Variants in ZNF438 observed in about 807,000 individuals in gnomAD.
The protein encoded by ZNF438 is zinc finger protein 438.
A neutral mutation model predicts 38.0 loss-of-function variants in ZNF438; 25 were observed. The ratio of observed to expected loss-of-function variants is 0.66; its 90% CI spans 0.48 to 0.92. ZNF438 has a LOEUF of 0.92. Ranked by LOEUF, ZNF438 falls within the 40% of genes least tolerant of loss-of-function variation. The pLI, the probability that ZNF438 is intolerant of heterozygous loss-of-function variation, is 0.00. For missense variants in ZNF438, 1,007 were observed against 999.6 expected (o/e 1.01, Z -0.10); for synonymous variants, 372 against 364.1 (o/e 1.02, Z -0.25).
chr10:31,011,574 C>G (rs1011584487), intron 1 of ZNF438, among the ~76,000 whole-genome samples: 2 of 152,096 alleles, frequency 1.3e-5, no homozygotes, highest in African/African-American at 4.8e-5. Context: ...CGGTATAAGC[C>G]AAGGGTCAGG....
At chr10:30,851,084 GCTGATGTGACAC>G (rs2033536915) in intron 4 of ZNF438, among the ~76,000 whole-genome samples, 1 of 152,170 alleles carries the variant, frequency 6.6e-6, no homozygotes, top group Non-Finnish European at 1.5e-5. Flanking sequence ...TATTAAAAAA[GCTGATGTGACAC>G]CTTTAAAAAA....
At chr10:30,925,817 C>A (rs1048286864) in intron 2 of ZNF438, among the ~76,000 whole-genome samples, 3 of 152,192 alleles carry the variant, frequency 2.0e-5, no homozygotes, top group African/African-American at 7.2e-5. Context: ...TCAAGAATGC[C>A]TTCAATGCAC....
chr10:30,955,995 T>C (rs1397335759), intron 1 of ZNF438, among the ~76,000 whole-genome samples: 1 of 152,138 alleles, frequency 6.6e-6, no homozygotes, highest in Non-Finnish European at 1.5e-5. Context: ...AAACAAACAA[T>C]TTTTCAAACA....
intron 1 of ZNF438, among the ~76,000 whole-genome samples, chr10:31,006,213 G>A (rs553117399): frequency 7.2e-5 from 11 of 152,324 alleles, no homozygotes; most frequent in African/African-American, 2.6e-4. Context: ...TCAGGATGGA[G>A]GCTGGACACT....
At chr10:30,882,862 G>A (rs1020790038) in intron 3 of ZNF438, among the ~76,000 whole-genome samples, 6 of 152,182 alleles carry the variant, frequency 3.9e-5, no homozygotes, top group East Asian at 3.9e-4. Context: ...TATGCCAATC[G>A]TATCCTAATA....
chr10:31,013,276 G>A (rs557593594), intron 1 of ZNF438, among the ~76,000 whole-genome samples: 2 of 151,794 alleles, frequency 1.3e-5, no homozygotes, highest in East Asian at 1.9e-4. Context: ...CCGAGATCCC[G>A]CCACTGCACT....
At position 30,962,994 on chromosome 10, in the gene ZNF438, A is replaced by G. The variant is rs576496199; in HGVS notation, c.-191-21343T>C. On this transcript the variant is annotated intron_variant, in intron 1 of 5. Transcript: ENST00000413025. ...GGTTTGCTTTTAATAAGTAAATATA[A>G]TCAAAGGGTCTCAATATAAATTATA... is the stretch of plus-strand genomic sequence containing the variant. Among the ~76,000 whole-genome samples the G allele has an allele frequency of 4.6e-5, 7 of 152,328 alleles. No homozygotes were observed. The South Asian group carries it at 1.0e-3, about 23-fold the overall frequency.
intron 4 of ZNF438, among the ~76,000 whole-genome samples, chr10:30,872,425 CAAAAAAAAAAAAAAA>C (rs566401687): frequency 1.7e-4 from 10 of 58,688 alleles, no homozygotes; most frequent in South Asian, 7.7e-4. Flanking sequence ...GACTCTGTCT[CAAAAAAAAAAAAAAA>C]AAAAAAAAAA....
intron 2 of ZNF438, among the ~76,000 whole-genome samples, chr10:30,922,043 T>C (rs1461061018): frequency 1.3e-5 from 2 of 152,202 alleles, no homozygotes; most frequent in Non-Finnish European, 2.9e-5. Context: ...CATACAGATT[T>C]TATTAAGAAA....
intron 2 of ZNF438, chr10:30,919,080 G>A (rs1308257783): frequency 6.6e-6 from 1 of 152,106 alleles, no homozygotes; most frequent in Non-Finnish European, 1.5e-5. Flanking sequence ...ATTCCTACTT[G>A]GCCTTCTTTC....
At chr10:31,029,526 G>A (rs952524462) in intron 1 of ZNF438, among the ~76,000 whole-genome samples, 2 of 151,930 alleles carry the variant, frequency 1.3e-5, no homozygotes, top group Non-Finnish European at 2.9e-5. Context: ...CCTTCAAAAC[G>A]TATCACCAAT....
intron 1 of ZNF438, among the ~76,000 whole-genome samples, chr10:30,956,310 T>C (rs995057988): frequency 1.3e-5 from 2 of 152,226 alleles, no homozygotes; most frequent in African/African-American, 2.4e-5. Context: ...TACGTAAATA[T>C]GTGTGTGACC....
chr10:31,022,819 C>T (rs1455407299), intron 1 of ZNF438, among the ~76,000 whole-genome samples: 1 of 152,166 alleles, frequency 6.6e-6, no homozygotes, highest in Non-Finnish European at 1.5e-5. Flanking sequence ...AGCATCTCGA[C>T]AACTATTTGA....
At chr10:30,849,622 T>C in exon 5 of ZNF438, 2 of 1,614,186 alleles carry the variant, frequency 1.2e-6, no homozygotes, top group Middle Eastern at 1.6e-4. Context: ...GATCAACTTG[T>C]TCTTTAAATT....
chr10:30,905,367 T>TGC (rs2042472954), intron 3 of ZNF438, among the ~76,000 whole-genome samples: 1 of 152,228 alleles, frequency 6.6e-6, no homozygotes, highest in Non-Finnish European at 1.5e-5. Context: ...CTAACGACGT[T>TGC]GCACATCTTT....
intron 1 of ZNF438, among the ~76,000 whole-genome samples, chr10:30,954,140 A>T (rs2048593949): frequency 6.6e-6 from 1 of 151,402 alleles, no homozygotes; most frequent in African/African-American, 2.4e-5. Context: ...GAGACTGTTT[A>T]AAAAAAAAGA....
At chr10:31,010,892 G>GAAAAAAAAAAAAA (rs563189482) in intron 1 of ZNF438, among the ~76,000 whole-genome samples, 33 of 92,584 alleles carry the variant, frequency 3.6e-4, no homozygotes, top group Middle Eastern at 5.6e-3. Context: ...GACCCTGTTT[G>GAAAAAAAAAAAAA]AAAAAAAAAA....
At chr10:30,914,203 A>C (rs1405310758) in intron 2 of ZNF438, among the ~76,000 whole-genome samples, 1 of 152,162 alleles carries the variant, frequency 6.6e-6, no homozygotes, top group Non-Finnish European at 1.5e-5. Context: ...TAAATTAAAA[A>C]AGTTAAATCA....
At chr10:30,884,375 T>C (rs2039679605) in intron 3 of ZNF438, among the ~76,000 whole-genome samples, 1 of 152,172 alleles carries the variant, frequency 6.6e-6, no homozygotes, top group South Asian at 2.1e-4. Context: ...TGGATAATAA[T>C]ATAAATATGC....
Sources: allele counts gnomAD v4.1 joint callset (sites outside exome capture counted in the v4.1 genomes callset), GRCh38; gene constraint gnomAD v4.1.1; transcripts MANE v1.5; gene names NCBI Gene and HGNC (gene_info 2026-07-23, HGNC 2026-07-21).